Variants in ALPK2 observed in about 807,000 individuals in gnomAD.
ALPK2 encodes alpha-protein kinase 2.
Under a neutral mutation model 163.1 loss-of-function variants are expected in ALPK2, and 127 were observed. The ratio of observed to expected loss-of-function variants is 0.78; its 90% confidence interval spans 0.67 to 0.90. The LOEUF (loss-of-function observed/expected upper bound fraction) is 0.90, where lower values mean the gene tolerates loss of function less well. Ranked by LOEUF, ALPK2 falls within the 40% of genes least tolerant of loss-of-function variation. The pLI is 0.00. For missense variants in ALPK2, 2,360 were observed against 2,589.6 expected (o/e 0.91, Z 1.92); for synonymous variants, 953 against 959.1 (o/e 0.99, Z 0.12).
chr18:58,492,299 C>T (rs1048793689), intron 12 of ALPK2, among the ~76,000 whole-genome samples: 3 of 152,104 alleles, frequency 2.0e-5, no homozygotes, highest in Admixed American at 6.6e-5. Context: ...CACACACACA[C>T]GCACACATTC....
At chr18:58,571,070 A>G (rs1275920490) in intron 4 of ALPK2, among the ~76,000 whole-genome samples, 3 of 151,848 alleles carry the variant, frequency 2.0e-5, no homozygotes, top group African/African-American at 7.3e-5. Flanking sequence ...TCTGTGGCCC[A>G]TGCTGGAGTG....
chr18:58,590,957 C>T (rs1276016471), intron 3 of ALPK2, among the ~76,000 whole-genome samples: 1 of 152,208 alleles, frequency 6.6e-6, no homozygotes, highest in African/African-American at 2.4e-5. Context: ...TGACTGCTGG[C>T]TTCTTGCTGT....
intron 1 of ALPK2, among the ~76,000 whole-genome samples, chr18:58,614,644 GAATTCCTGGGCTC>G (rs1187913587): frequency 3.9e-5 from 6 of 152,006 alleles, no homozygotes; most frequent in Non-Finnish European, 5.9e-5. Flanking sequence ...GGCTGGTCTT[GAATTCCTGGGCTC>G]AAGCCATCCT....
intron 5 of ALPK2, among the ~76,000 whole-genome samples, chr18:58,531,608 G>A (rs114663128): frequency 2.0e-3 from 287 of 141,542 alleles, no homozygotes; most frequent in African/African-American, 6.9e-3. Context: ...ATTGGCCCAC[G>A]GCTAGAAAAC....
At chr18:58,564,024 T>G (rs1395624512) in intron 4 of ALPK2, among the ~76,000 whole-genome samples, 1 of 151,808 alleles carries the variant, frequency 6.6e-6, no homozygotes, top group Non-Finnish European at 1.5e-5. Flanking sequence ...AAGAACAATC[T>G]CTGAAAATTG....
intron 4 of ALPK2, among the ~76,000 whole-genome samples, chr18:58,573,204 G>A (rs1164904344): frequency 6.9e-6 from 1 of 144,764 alleles, no homozygotes; most frequent in Non-Finnish European, 1.5e-5. Flanking sequence ...GTATATATAT[G>A]TGTATATATG....
chr18:58,618,433 C>T (rs1355282188), intron 1 of ALPK2, among the ~76,000 whole-genome samples: 2 of 152,178 alleles, frequency 1.3e-5, no homozygotes, highest in African/African-American at 4.8e-5. Context: ...GCGTGGATTC[C>T]TGTACCTGCT....
intron 6 of ALPK2, among the ~76,000 whole-genome samples, chr18:58,526,870 C>G (rs890904273): frequency 2.0e-5 from 3 of 152,180 alleles, no homozygotes; most frequent in Admixed American, 2.0e-4. Flanking sequence ...TGAGGATGAT[C>G]TAGTGAAAGA....
intron 12 of ALPK2, among the ~76,000 whole-genome samples, chr18:58,494,715 C>T (rs963431867): frequency 5.5e-4 from 84 of 152,260 alleles, no homozygotes; most frequent in Non-Finnish European, 4.0e-4. Context: ...CAGTTGCTTG[C>T]TAAGAATCAA....
intron 1 of ALPK2, among the ~76,000 whole-genome samples, chr18:58,612,042 C>T (rs1490919184): frequency 6.6e-6 from 1 of 152,134 alleles, no homozygotes; most frequent in Non-Finnish European, 1.5e-5. Context: ...GATATTTAGC[C>T]GCATGCCTGG....
chr18:58,515,203 C>A, intron 9 of ALPK2, 122 bp from the exon 10 acceptor site: 1 of 692,664 alleles, frequency 1.4e-6, no homozygotes, highest in Non-Finnish European at 2.3e-6. Context: ...AAGCCCATCC[C>A]CTGGTTGGGG....
chr18:58,520,924 G>A (rs1309059230), intron 8 of ALPK2, among the ~76,000 whole-genome samples: 3 of 152,354 alleles, frequency 2.0e-5, no homozygotes, highest in African/African-American at 7.2e-5. Context: ...GCTTAGGTGG[G>A]AGGATCATTA....
intron 4 of ALPK2, among the ~76,000 whole-genome samples, chr18:58,566,036 C>T (rs544919176): frequency 6.6e-6 from 1 of 152,306 alleles, no homozygotes; most frequent in South Asian, 2.1e-4. Flanking sequence ...CTGCCTCGGG[C>T]TCCCAAAGTG....
intron 12 of ALPK2, among the ~76,000 whole-genome samples, chr18:58,497,781 C>T (rs1410555250): frequency 6.6e-6 from 1 of 152,160 alleles, no homozygotes; most frequent in Non-Finnish European, 1.5e-5. Flanking sequence ...ATTTTCTCCC[C>T]GTGGTACTCC....
Position 58,537,504 on chromosome 18 carries a change from T to C in ALPK2, c.2683A>G (p.Thr895Ala), listed in dbSNP as rs1270310413. 1 of 1,612,690 alleles carries C rather than the reference T, an allele frequency of 6.2e-7. No individual in the cohort carries two copies. Among genetic ancestry groups the C allele is most frequent in the Non-Finnish European group, 8.5e-7 (1 of 1,178,928 alleles). ...VMSPLFTSTF[T>A]LNISHTASEG... is the part of the protein sequence containing the mutation. ...CTAGCTGTGTGTGAAATGTTCAAGGTGAAAGTACTGGTAAAAAGAGGGGAC... is the reference window on the plus strand; with the variant it reads ...CTAGCTGTGTGTGAAATGTTCAAGGCGAAAGTACTGGTAAAAAGAGGGGAC... Residue 895 changes from threonine (T) to alanine (A), a missense_variant, in exon 5 of 13, where the codon ACC (threonine) becomes GCC (alanine). By Grantham distance (58) the Thr-to-Ala change is moderately conservative (BLOSUM62 0). Coordinates refer to ENST00000361673, the MANE Select transcript of ALPK2 (RefSeq NM_052947.4).
intron 4 of ALPK2, among the ~76,000 whole-genome samples, chr18:58,549,311 G>A (rs541001617): frequency 6.6e-6 from 1 of 152,290 alleles, no homozygotes; most frequent in South Asian, 2.1e-4. Context: ...TTAAAGATGA[G>A]GGAAATCAAA....
Position 58,538,114 on chromosome 18 carries a change from G to A in ALPK2, c.2073C>T (p.Phe691=). 1.2e-6 allele frequency: 2 copies of A among 1,614,142 alleles called. No individual in the cohort carries two copies. Among genetic ancestry groups the A allele is most frequent in the Non-Finnish European group, 1.7e-6 (2 of 1,180,026 alleles). The change falls in exon 5 of 13, where the codon TTC becomes TTT. Residue 691 remains phenylalanine (F), a synonymous_variant. Transcript: ENST00000361673. ...SPFTGTTTIS[F]SNLGGVHKEN... is the part of the protein sequence containing the mutation. ...CCTTGTGGACCCCTCCTAAGTTTGAGAAGGAAATTGTTGTGGTCCCAGTGA... is the reference window on the plus strand; with the variant it reads ...CCTTGTGGACCCCTCCTAAGTTTGAAAAGGAAATTGTTGTGGTCCCAGTGA...
chr18:58,622,765 G>A (rs1044142963), intron 1 of ALPK2, among the ~76,000 whole-genome samples: 16 of 152,110 alleles, frequency 1.1e-4, no homozygotes, highest in Non-Finnish European at 1.9e-4. Flanking sequence ...TCTCTGGCTC[G>A]TTTTCCTCTT....
intron 3 of ALPK2, among the ~76,000 whole-genome samples, chr18:58,585,680 C>CTT (rs71173066): frequency 1.0e-4 from 8 of 77,606 alleles, no homozygotes; most frequent in African/African-American, 2.0e-4. Context: ...TTCTATGTTG[C>CTT]TTTTTTTTTT....
Sources: allele counts gnomAD v4.1 joint callset (sites outside exome capture counted in the v4.1 genomes callset), GRCh38; gene constraint gnomAD v4.1.1; transcripts MANE v1.5; gene names NCBI Gene and HGNC (gene_info 2026-07-23, HGNC 2026-07-21).